The following DGLUCY variants were observed in gnomAD, a reference collection of about 807,000 sequenced individuals.
DGLUCY encodes the protein D-glutamate cyclase, mitochondrial.
Under a neutral mutation model 58.5 loss-of-function variants are expected in DGLUCY, and 58 were observed. That is an observed-to-expected ratio of 0.99 (90% CI 0.80 to 1.23). The LOEUF is 1.23. Among genes scored for constraint, DGLUCY ranks in the 50% most tolerant of loss-of-function variants. The pLI, the probability that DGLUCY is intolerant of heterozygous loss-of-function variation, is 0.00. For synonymous variants in DGLUCY, 325 were observed against 314.1 expected, an observed-to-expected ratio of 1.03 and a Z score of -0.37; for missense variants, 779 against 784.7, an observed-to-expected ratio of 0.99 and a Z score of 0.09.
At chr14:91,089,027 T>A (rs1049662528) in intron 1 of DGLUCY, among the ~76,000 whole-genome samples, 3 of 152,196 alleles carry the variant, frequency 2.0e-5, no homozygotes, top group Admixed American at 1.3e-4. Flanking sequence ...CAATAAATAC[T>A]TGATGCTGAT....
At chr14:91,142,034 C>T (rs1210939704) in intron 1 of DGLUCY, among the ~76,000 whole-genome samples, 1 of 151,542 alleles carries the variant, frequency 6.6e-6, no homozygotes, top group Admixed American at 6.6e-5. Context: ...TTAGTAGAGA[C>T]GAGGTTTCAT....
intron 1 of DGLUCY, among the ~76,000 whole-genome samples, chr14:91,069,559 C>T (rs1436126112): frequency 6.6e-6 from 1 of 152,058 alleles, no homozygotes; most frequent in Non-Finnish European, 1.5e-5. Flanking sequence ...GGATTACAGG[C>T]GTGAGCCACC....
chr14:91,078,875 T>TA (rs1213966923), intron 1 of DGLUCY, among the ~76,000 whole-genome samples: 62 of 124,168 alleles, frequency 5.0e-4, no homozygotes, highest in African/African-American at 1.4e-3. Flanking sequence ...TTATTTTTAA[T>TA]TTTTATTTAT....
chr14:91,081,032 TC>T (rs1417508199), intron 1 of DGLUCY, among the ~76,000 whole-genome samples: 1 of 152,070 alleles, frequency 6.6e-6, no homozygotes, highest in African/African-American at 2.4e-5. Context: ...CGAAACCCTG[TC>T]TCTACTAAAA....
upstream of DGLUCY, among the ~76,000 whole-genome samples, chr14:91,104,710 G>A (rs1162014066): frequency 6.6e-6 from 1 of 152,150 alleles, no homozygotes; most frequent in Non-Finnish European, 1.5e-5. Flanking sequence ...ACTCCGTCCT[G>A]GGCTCTCGGA....
Position 91,181,403 on chromosome 14 carries a change from C to T in DGLUCY, c.934+14C>T. ...GCATAGACCCAGGTAAGAAACAACA[C>T]ATTTGCTCGGCATAGACCCAGGTAA... On this transcript the variant is annotated intron_variant, in intron 8 of 13. Coordinates refer to ENST00000256324, the MANE Select transcript of DGLUCY (RefSeq NM_001102368.3). The T allele has an allele frequency of 6.2e-7, 1 of 1,609,122 alleles. No homozygotes were observed. The highest frequency in any genetic ancestry group is 8.5e-7 in the Non-Finnish European group (1 of 1,177,610).
intron 13 of DGLUCY, chr14:91,220,675 A>G (rs1290025680): frequency 4.4e-6 from 2 of 456,016 alleles, no homozygotes; most frequent in Admixed American, 2.3e-5. Context: ...CGGTCCAGGC[A>G]GCCAGCTCTC....
chr14:91,128,994 C>G (rs1282000553), intron 1 of DGLUCY: 1 of 152,078 alleles, frequency 6.6e-6, no homozygotes, highest in Non-Finnish European at 1.5e-5. Context: ...GAGACAAAAT[C>G]AAATGTTAAG....
chr14:91,063,467 G>A (rs2043766527), intron 1 of DGLUCY, among the ~76,000 whole-genome samples: 1 of 152,172 alleles, frequency 6.6e-6, no homozygotes, highest in Non-Finnish European at 1.5e-5. Flanking sequence ...GGAGGACTCT[G>A]AACCCCTGAG....
At chr14:91,149,996 G>A (rs1437699897) in intron 1 of DGLUCY, among the ~76,000 whole-genome samples, 8 of 151,962 alleles carry the variant, frequency 5.3e-5, no homozygotes, top group Non-Finnish European at 7.4e-5. Context: ...CGAGGCGGGC[G>A]TATCACAAGG....
At chr14:91,171,397 C>T (rs564393039) in intron 5 of DGLUCY, among the ~76,000 whole-genome samples, 9 of 152,322 alleles carry the variant, frequency 5.9e-5, no homozygotes, top group East Asian at 5.8e-4. Context: ...TCACTGACCC[C>T]GATGCTTATC....
upstream of DGLUCY, among the ~76,000 whole-genome samples, chr14:91,113,644 C>T (rs1457315012): frequency 1.3e-5 from 2 of 152,188 alleles, no homozygotes; most frequent in African/African-American, 4.8e-5. Flanking sequence ...GTGTGGCCCA[C>T]GGACCAGCAG....
At chr14:91,150,051 T>TCTA (rs2047230068) in intron 1 of DGLUCY, among the ~76,000 whole-genome samples, 1 of 151,758 alleles carries the variant, frequency 6.6e-6, no homozygotes, top group Admixed American at 6.6e-5. Context: ...AAACCCTGCC[T>TCTA]CTACTAAAAA....
intron 1 of DGLUCY, among the ~76,000 whole-genome samples, chr14:91,068,623 C>A (rs535725739): frequency 2.3e-4 from 35 of 152,200 alleles, no homozygotes; most frequent in South Asian, 1.7e-3. Flanking sequence ...GAGCTGAGAT[C>A]GTGCCATTGC....
chr14:91,150,983 C>G (rs980356456), intron 1 of DGLUCY, among the ~76,000 whole-genome samples: 1 of 152,162 alleles, frequency 6.6e-6, no homozygotes, highest in Non-Finnish European at 1.5e-5. Flanking sequence ...TCTCCTGGAC[C>G]CAGCCTGTGG....
At position 91,160,299 on chromosome 14, in the gene DGLUCY, C is replaced by T. The variant is rs1426822930; in HGVS notation, c.5C>T (p.Pro2Leu). 6.2e-7 allele frequency: 1 copy of T among 1,611,738 alleles called. No homozygotes were observed. Among genetic ancestry groups the T allele is most frequent in the Non-Finnish European group, 8.5e-7 (1 of 1,178,160 alleles). The change falls in exon 3 of 14, where the codon CCC becomes CTC. Residue 2 changes from proline to leucine, a missense_variant. Pro to Leu is a moderately conservative substitution (Grantham distance 98). Coordinates refer to ENST00000256324, the MANE Select transcript of DGLUCY (RefSeq NM_001102368.3). M[P>L]FTLHLRSRLP... ...CTACTTATTCAAGTTGACACGATGCCCTTCACACTCCACCTGAGGTCCCGC... is the reference window on the plus strand; with the variant it reads ...CTACTTATTCAAGTTGACACGATGCTCTTCACACTCCACCTGAGGTCCCGC...
chr14:91,090,327 G>A lies in DGLUCY; in HGVS notation c.-82+29623G>A, dbSNP rs141937956. Among the ~76,000 whole-genome samples, 315 of 152,248 alleles carry A rather than the reference G, an allele frequency of 2.1e-3. 3 individuals are homozygous for A. Among genetic ancestry groups the A allele is most frequent in the African/African-American group, 7.2e-3 (301 of 41,552 alleles). On this transcript the variant is annotated intron_variant, in intron 1 of 4. Transcript: ENST00000521334. ...CTGGACCTCAGCCAGAAAAAGGAGC[G>A]GTGAGGGTACCTGTTGAATGACAGT...
chr14:91,062,535 G>A lies in DGLUCY; in HGVS notation c.-82+1831G>A, dbSNP rs144063843. On this transcript the variant is annotated intron_variant, in intron 1 of 4. Transcript: ENST00000521334. ...TGCACTTCAGCCTGGGCAACAGAGCGAGACTCTGTCTAAAAAAAAAAAAAT... is the reference window on the plus strand; with the variant it reads ...TGCACTTCAGCCTGGGCAACAGAGCAAGACTCTGTCTAAAAAAAAAAAAAT... 3.3e-3 allele frequency among the ~76,000 whole-genome samples: 369 copies of A among 112,814 alleles called. 11 individuals are homozygous for A. The East Asian group carries it at 0.076, about 23-fold the overall frequency. 74.0% of individuals were successfully genotyped at this position (112,814 alleles called of 152,430 possible).
chr14:91,155,095 G>A (rs1030867678), intron 1 of DGLUCY, among the ~76,000 whole-genome samples: 1 of 152,194 alleles, frequency 6.6e-6, no homozygotes, highest in African/African-American at 2.4e-5. Flanking sequence ...TGAGTCCACA[G>A]GCCCCGGAGC....
Sources: gnomAD v4.1 joint callset for allele counts (sites outside exome capture counted in the v4.1 genomes callset) on GRCh38, gnomAD v4.1.1 for gene constraint, MANE v1.5 for transcripts, NCBI Gene and HGNC (gene_info 2026-07-23, HGNC 2026-07-21) for gene names.